Variants in SPATS2 observed in about 807,000 individuals in gnomAD.
SPATS2 encodes the protein spermatogenesis associated serine rich 2.
In SPATS2, 38 loss-of-function variants were observed where a neutral mutation model predicts 63.7. The observed-to-expected ratio is 0.60, with a 90% CI of 0.46 to 0.78. The LOEUF is 0.78. Ranked by LOEUF, SPATS2 falls within the 30% of genes least tolerant of loss-of-function variation. The pLI, the probability that SPATS2 is intolerant of heterozygous loss-of-function variation, is 0.00. For missense variants in SPATS2, 588 were observed against 666.2 expected, an observed-to-expected ratio of 0.88 and a Z score of 1.29; for synonymous variants, 207 against 232.9, an observed-to-expected ratio of 0.89 and a Z score of 1.01.
intron 2 of SPATS2, among the ~76,000 whole-genome samples, chr12:49,384,777 G>A (rs779465044): frequency 2.0e-5 from 3 of 151,254 alleles, no homozygotes; most frequent in African/African-American, 4.9e-5. Context: ...GTGTAAATAC[G>A]ATCATCCATA....
At chr12:49,481,705 C>T (rs983281772) in intron 3 of SPATS2, among the ~76,000 whole-genome samples, 2 of 151,798 alleles carry the variant, frequency 1.3e-5, no homozygotes, top group Non-Finnish European at 2.9e-5. Context: ...TCAAGTGATC[C>T]GCCCGCCTCA....
chr12:49,508,867 C>G (rs1946697825), intron 9 of SPATS2, among the ~76,000 whole-genome samples: 2 of 152,044 alleles, frequency 1.3e-5, no homozygotes, highest in African/African-American at 2.4e-5. Flanking sequence ...AGTTTGAAAC[C>G]AGCCTGACCA....
At chr12:49,472,553 C>T (rs1946052605) in intron 3 of SPATS2, among the ~76,000 whole-genome samples, 1 of 149,682 alleles carries the variant, frequency 6.7e-6, no homozygotes, top group Non-Finnish European at 1.5e-5. Flanking sequence ...TTCCCAGAAA[C>T]TGGGCAAGAA....
At chr12:49,524,573 T>C in intron 12 of SPATS2, 109 bp from the exon 13 acceptor site, 1 of 1,158,516 alleles carries the variant, frequency 8.6e-7, no homozygotes, top group South Asian at 1.5e-5. Context: ...TTTATTCGAA[T>C]AGACAGTTCT....
intron 11 of SPATS2, among the ~76,000 whole-genome samples, chr12:49,520,443 C>T (rs1338801655): frequency 6.6e-6 from 1 of 151,988 alleles, no homozygotes; most frequent in Non-Finnish European, 1.5e-5. Flanking sequence ...ACCTCCTCAT[C>T]CTTCCTGACT....
chr12:49,505,675 T>C (rs980441028), intron 9 of SPATS2, among the ~76,000 whole-genome samples: 2 of 152,240 alleles, frequency 1.3e-5, no homozygotes, highest in Non-Finnish European at 2.9e-5. Context: ...AGTTATATTA[T>C]TGGATTTTTT....
At chr12:49,514,735 C>T (rs1946810537) in intron 10 of SPATS2, 122 bp downstream of exon 10, 1 of 834,280 alleles carries the variant, frequency 1.2e-6, no homozygotes, top group Non-Finnish European at 1.8e-6. Flanking sequence ...TTTAAATAAT[C>T]TTAAGCAGTT....
Position 49,526,391 on chromosome 12 carries a change from G to T in SPATS2, c.*136G>T. 8.9e-7 allele frequency: 1 copy of T among 1,123,344 alleles called. No individual in the cohort carries two copies. The highest frequency in any genetic ancestry group is 1.8e-5 in the South Asian group (1 of 54,618). 69.6% of individuals were successfully genotyped at this position (1,123,344 alleles called of 1,614,324 possible). A position where few individuals can be genotyped will look rare whatever the true frequency, so the allele number is the denominator to read the frequency against. On this transcript the variant is annotated 3_prime_UTR_variant, in exon 14 of 14. Coordinates refer to ENST00000552918, the MANE Select transcript of SPATS2 (RefSeq NM_023071.4). The stretch of plus-strand genomic sequence containing the variant: ...TTTTTGTGCCATTCTAAGTATTTTT[G>T]GTTTCTTGTCTCCTTATTTCCTCTT...
At chr12:49,431,934 G>C (rs572807593) in intron 2 of SPATS2, among the ~76,000 whole-genome samples, 1 of 151,962 alleles carries the variant, frequency 6.6e-6, no homozygotes, top group African/African-American at 2.4e-5. Context: ...CGGGAGGATC[G>C]TTTGAACCTG....
intron 1 of SPATS2, among the ~76,000 whole-genome samples, chr12:49,368,187 T>A (rs2137118586): frequency 6.6e-6 from 1 of 152,350 alleles, no homozygotes; most frequent in Non-Finnish European, 1.5e-5. Context: ...TTTCTCATAA[T>A]TCATCCAGAA....
At chr12:49,487,688 C>G (rs1946318027) in intron 4 of SPATS2, among the ~76,000 whole-genome samples, 1 of 152,154 alleles carries the variant, frequency 6.6e-6, no homozygotes, top group African/African-American at 2.4e-5. Flanking sequence ...GCCTCAACCT[C>G]CCAGGCTCAA....
chr12:49,521,578 G>A (rs1016079481), intron 11 of SPATS2, among the ~76,000 whole-genome samples: 6 of 151,968 alleles, frequency 3.9e-5, no homozygotes, highest in African/African-American at 9.7e-5. Flanking sequence ...CTCTTCCCAC[G>A]TGGCTGAAAA....
At chr12:49,432,758 C>CT (rs1431862799) in intron 2 of SPATS2, among the ~76,000 whole-genome samples, 1 of 151,876 alleles carries the variant, frequency 6.6e-6, no homozygotes, top group Non-Finnish European at 1.5e-5. Context: ...ACAGGATTTC[C>CT]TTTTTTTTAA....
At chr12:49,426,751 G>A (rs1464788878) in intron 2 of SPATS2, among the ~76,000 whole-genome samples, 1 of 152,108 alleles carries the variant, frequency 6.6e-6, no homozygotes, top group Non-Finnish European at 1.5e-5. Context: ...CACTGTGTTA[G>A]CCAGGATGGT....
At chr12:49,487,421 G>A (rs1215457237) in intron 4 of SPATS2, among the ~76,000 whole-genome samples, 1 of 152,196 alleles carries the variant, frequency 6.6e-6, no homozygotes, top group Non-Finnish European at 1.5e-5. Context: ...CTGGGAGGCA[G>A]AGGTTGCAGT....
chr12:49,419,331 C>T (rs931724898), intron 2 of SPATS2, among the ~76,000 whole-genome samples: 3 of 152,172 alleles, frequency 2.0e-5, no homozygotes, highest in Non-Finnish European at 4.4e-5. Context: ...AAAATAATTA[C>T]TTGCTAAAGC....
intron 9 of SPATS2, among the ~76,000 whole-genome samples, chr12:49,507,208 C>T (rs950003622): frequency 2.6e-5 from 4 of 152,028 alleles, no homozygotes; most frequent in Admixed American, 6.6e-5. Context: ...ATCAGAGTAG[C>T]GGGAAAGGTT....
chr12:49,485,957 T>C (rs1394125978), intron 4 of SPATS2, among the ~76,000 whole-genome samples: 2 of 150,198 alleles, frequency 1.3e-5, no homozygotes, highest in African/African-American at 2.5e-5. Flanking sequence ...ACAGGTTTTG[T>C]CATGTTGGCC....
At chr12:49,383,747 C>A (rs936733145) in intron 2 of SPATS2, among the ~76,000 whole-genome samples, 1 of 152,072 alleles carries the variant, frequency 6.6e-6, no homozygotes, top group Admixed American at 6.6e-5. Flanking sequence ...AATGTATATA[C>A]CATTTTATTT....
Sources: allele counts gnomAD v4.1 joint callset (sites outside exome capture counted in the v4.1 genomes callset), GRCh38; gene constraint gnomAD v4.1.1; transcripts MANE v1.5; gene names NCBI Gene and HGNC (gene_info 2026-07-23, HGNC 2026-07-21).